EXOC4: variants seen among roughly 807,000 people sequenced by gnomAD.
EXOC4 encodes the protein exocyst complex component 4.
In EXOC4, 71 loss-of-function variants were observed where a neutral mutation model predicts 107.2. The ratio of observed to expected loss-of-function variants is 0.66; its 90% confidence interval spans 0.55 to 0.81. The LOEUF is 0.81. EXOC4 is among the 30% of genes least tolerant of loss of function. The pLI is 0.00. For synonymous variants in EXOC4, 456 were observed against 441.2 expected (o/e 1.03, Z -0.42); for missense variants, 1,108 against 1,189.6 (o/e 0.93, Z 1.01).
chr7:133,584,362 T>C (rs1256779567), intron 9 of EXOC4, among the ~76,000 whole-genome samples: 1 of 152,086 alleles, frequency 6.6e-6, no homozygotes, highest in Admixed American at 6.6e-5. Flanking sequence ...CCAAAACCCT[T>C]TTCTTACTAA....
intron 3 of EXOC4, among the ~76,000 whole-genome samples, chr7:133,293,237 T>G (rs953215488): frequency 1.3e-5 from 2 of 152,190 alleles, no homozygotes; most frequent in African/African-American, 4.8e-5. Flanking sequence ...CTTAAAAGGT[T>G]GGAGATATCT....
intron 11 of EXOC4, among the ~76,000 whole-genome samples, chr7:133,824,475 T>C (rs553332739): frequency 2.0e-5 from 3 of 152,308 alleles, no homozygotes; most frequent in East Asian, 3.9e-4. Context: ...AGAGATGATA[T>C]TGTTTCACCT....
At chr7:133,279,304 G>A (rs1794076248) in intron 2 of EXOC4, among the ~76,000 whole-genome samples, 1 of 152,152 alleles carries the variant, frequency 6.6e-6, no homozygotes, top group African/African-American at 2.4e-5. Context: ...CTTTATAGCA[G>A]CATGATTTAT....
chr7:133,613,407 AATC>A (rs1802118230), intron 9 of EXOC4, among the ~76,000 whole-genome samples: 1 of 152,144 alleles, frequency 6.6e-6, no homozygotes, highest in Non-Finnish European at 1.5e-5. Context: ...GTGTGATACT[AATC>A]ATCTCCCTGT....
chr7:133,926,623 A>G (rs2116678537), intron 13 of EXOC4, among the ~76,000 whole-genome samples: 1 of 152,322 alleles, frequency 6.6e-6, no homozygotes, highest in African/African-American at 2.4e-5. Flanking sequence ...TCTGATTTAT[A>G]TGTTTGACTA....
chr7:134,004,843 GTCCCAAGATCATTGCCC>G, intron 15 of EXOC4, 52 bp from the exon 16 acceptor site: 1 of 1,338,128 alleles, frequency 7.5e-7, no homozygotes, highest in Non-Finnish European at 1.0e-6. Flanking sequence ...TTGGTGCTCT[GTCCCAAGATCATTGCCC>G]TCCCTGGAAG....
rs193192420 is a variant in EXOC4, at chr7:133,253,532, G to T, written c.86+345G>T. The T allele has an allele frequency of 1.5e-5, 15 of 1,020,924 alleles. No homozygotes were observed. The Admixed American group carries it at 6.5e-4, about 44-fold the overall frequency. 63.2% of individuals were successfully genotyped at this position (1,020,924 alleles called of 1,614,324 possible). ...TTCCTAAAATGCTTGTTTATTGTTT[G>T]CCTGTAGCAGCACTCACTGAGAAAG... On this transcript the variant is annotated intron_variant, in intron 1 of 17. Coordinates refer to ENST00000253861, the MANE Select transcript of EXOC4 (RefSeq NM_021807.4).
intron 10 of EXOC4, among the ~76,000 whole-genome samples, chr7:133,764,811 T>TTATACATATG (rs1796102397): frequency 6.6e-6 from 1 of 152,064 alleles, no homozygotes; most frequent in Non-Finnish European, 1.5e-5. Context: ...ATGATGTCTG[T>TTATACATATG]TATACATATG....
intron 11 of EXOC4, among the ~76,000 whole-genome samples, chr7:133,853,397 C>T (rs929302001): frequency 8.2e-6 from 1 of 121,908 alleles, no homozygotes; most frequent in African/African-American, 3.3e-5. Flanking sequence ...CACACACACA[C>T]AACTTTTTAG....
downstream of EXOC4, among the ~76,000 whole-genome samples, chr7:134,070,709 C>T (rs1477380450): frequency 6.6e-6 from 1 of 151,892 alleles, no homozygotes; most frequent in Non-Finnish European, 1.5e-5. Context: ...AACCTAAGAA[C>T]GCAATGACTT....
At chr7:134,000,642 C>T (rs181516211) in intron 15 of EXOC4, among the ~76,000 whole-genome samples, 5 of 152,256 alleles carry the variant, frequency 3.3e-5, no homozygotes, top group African/African-American at 9.6e-5. Context: ...TTAAGAGGTA[C>T]AGAGGCTGTG....
chr7:133,677,647 A>G (rs1326349788), intron 10 of EXOC4, among the ~76,000 whole-genome samples: 4 of 152,162 alleles, frequency 2.6e-5, no homozygotes, highest in East Asian at 3.8e-4. Flanking sequence ...AATGTTGGCT[A>G]TGTGCAAAGA....
intron 9 of EXOC4, among the ~76,000 whole-genome samples, chr7:133,618,055 C>T (rs1253098386): frequency 6.6e-6 from 1 of 151,972 alleles, no homozygotes; most frequent in Non-Finnish European, 1.5e-5. Context: ...AGGAGAAGAA[C>T]CAGATCAGCA....
intron 9 of EXOC4, chr7:133,576,611 G>A: frequency 1.6e-6 from 2 of 1,289,776 alleles, no homozygotes; most frequent in Non-Finnish European, 2.0e-6. Context: ...AGGGGGTAGA[G>A]ATAACCACCT....
the EXOC4 span, among the ~76,000 whole-genome samples, chr7:134,086,026 C>T: frequency 1.5e-4 from 23 of 152,190 alleles, no homozygotes; most frequent in Non-Finnish European, 2.4e-4. Flanking sequence ...TGTGCCCCAA[C>T]ACACAGCTAA....
chr7:133,632,209 A>G (rs1358020286), intron 10 of EXOC4, among the ~76,000 whole-genome samples: 1 of 152,146 alleles, frequency 6.6e-6, no homozygotes, highest in Non-Finnish European at 1.5e-5. Context: ...CTGCTTTGCT[A>G]GATAGTTGTT....
At chr7:133,906,379 G>T (rs1799566254) in intron 12 of EXOC4, among the ~76,000 whole-genome samples, 1 of 152,174 alleles carries the variant, frequency 6.6e-6, no homozygotes, top group Non-Finnish European at 1.5e-5. Flanking sequence ...GAAGGTGACT[G>T]CATCCACCTT....
chr7:133,606,443 C>A (rs1238716190), intron 9 of EXOC4, among the ~76,000 whole-genome samples: 1 of 151,996 alleles, frequency 6.6e-6, no homozygotes, highest in Admixed American at 6.6e-5. Flanking sequence ...CTTCCTAGAG[C>A]AGTTAGAATT....
chr7:133,403,759 A>G (rs1453926765), intron 7 of EXOC4, among the ~76,000 whole-genome samples: 1 of 152,196 alleles, frequency 6.6e-6, no homozygotes, highest in East Asian at 1.9e-4. Context: ...GCAAGATCCC[A>G]TCTCTAAAAA....
Sources: allele counts gnomAD v4.1 joint callset (sites outside exome capture counted in the v4.1 genomes callset), GRCh38; gene constraint gnomAD v4.1.1; transcripts MANE v1.5; gene names NCBI Gene and HGNC (gene_info 2026-07-23, HGNC 2026-07-21).